WNT2B: variants seen among roughly 807,000 people sequenced by gnomAD.
The protein encoded by WNT2B is Wnt family member 2B.
A neutral mutation model predicts 40.5 loss-of-function variants in WNT2B; 19 were observed. The observed-to-expected ratio is 0.47, with a 90% confidence interval of 0.33 to 0.69. WNT2B has a LOEUF of 0.69. Among genes scored for constraint, WNT2B ranks in the 30% least tolerant of loss-of-function variants. The probability of loss-of-function intolerance (pLI) is 0.02; values close to 1 mark genes in which losing one functional copy is unlikely to be tolerated. For missense variants in WNT2B, 467 were observed against 556.4 expected, an observed-to-expected ratio of 0.84 and a Z score of 1.62; for synonymous variants, 220 against 211.9, an observed-to-expected ratio of 1.04 and a Z score of -0.33.
intron 1 of WNT2B, among the ~76,000 whole-genome samples, chr1:112,495,453 G>C (rs1197000515): frequency 6.6e-6 from 1 of 152,140 alleles, no homozygotes; most frequent in East Asian, 1.9e-4. Context: ...GCTGGGCATG[G>C]TGGCGAGTGC....
In WNT2B at chr1:112,520,325, G is replaced by T. The variant is rs772143167; in HGVS notation, c.992G>T (p.Gly331Val). ...CGTGTCTGCAGCAAGACATCAAAAGGAACAGACGGTTGTGAAATCATGTGC... is the reference window on the plus strand; with the variant it reads ...CGTGTCTGCAGCAAGACATCAAAAGTAACAGACGGTTGTGAAATCATGTGC... Reference protein sequence around the residue: ...AGRVCSKTSKGTDGCEIMCCG... With the variant: ...AGRVCSKTSKVTDGCEIMCCG... Residue 331 changes from glycine (G) to valine (V), a missense_variant, in exon 5 of 5, where the codon GGA becomes GTA. This residue lies in a region of WNT2B where 330 missense variants were observed against 438.6 expected (regional missense o/e 0.75). Transcript: ENST00000369684. The T allele has an allele frequency of 6.2e-7, 1 of 1,614,148 alleles. No homozygotes were observed.
At chr1:112,468,342 G>A (rs1404090780) in intron 1 of WNT2B, among the ~76,000 whole-genome samples, 1 of 152,058 alleles carries the variant, frequency 6.6e-6, no homozygotes, top group African/African-American at 2.4e-5. Context: ...CTGGATTATG[G>A]TAGTTCTATT....
chr1:112,502,439 A>T (rs351364), intron 1 of WNT2B, among the ~76,000 whole-genome samples: 109,538 of 152,224 alleles, frequency 0.72, 39,686 homozygotes, highest in South Asian at 0.81. Context: ...ACCCGGCTAA[A>T]TGATACAATA....
At chr1:112,479,291 G>C (rs1013147099) in intron 1 of WNT2B, among the ~76,000 whole-genome samples, 1 of 151,798 alleles carries the variant, frequency 6.6e-6, no homozygotes, top group African/African-American at 2.4e-5. Flanking sequence ...AAATTTGCAG[G>C]GGCTGGGCGT....
intron 1 of WNT2B, among the ~76,000 whole-genome samples, chr1:112,484,142 TATA>T (rs34232981): frequency 0.43 from 62,751 of 144,552 alleles, 15,272 homozygotes; most frequent in South Asian, 0.61. Context: ...AACAATTTTA[TATA>T]ATAATTTATA....
At chr1:112,517,482 G>T in intron 4 of WNT2B, 97 bp downstream of exon 4, 1 of 1,440,708 alleles carries the variant, frequency 6.9e-7, no homozygotes, top group African/African-American at 1.4e-5. Context: ...GTTAGGGAAG[G>T]GGGTGCTGTG....
intron 1 of WNT2B, among the ~76,000 whole-genome samples, chr1:112,501,291 G>C (rs1284074013): frequency 2.0e-5 from 3 of 152,144 alleles, no homozygotes; most frequent in African/African-American, 7.2e-5. Flanking sequence ...TGTTGACCTT[G>C]ATCACCCAGT....
Position 112,521,022 on chromosome 1 carries a change from G to A in WNT2B, c.*513G>A, listed in dbSNP as rs1436672794. On this transcript the variant is annotated 3_prime_UTR_variant, in exon 5 of 5. Coordinates refer to ENST00000369684, the MANE Select transcript of WNT2B (RefSeq NM_024494.3). Reference sequence around the variant, plus strand: ...AGGCTACCACATTCTATTATTGAGAGCCTGAGATGTTAGCCATAGTGGACA... The same window carrying A: ...AGGCTACCACATTCTATTATTGAGAACCTGAGATGTTAGCCATAGTGGACA... 1 of 156,760 alleles carries A rather than the reference G, an allele frequency of 6.4e-6. No individual in the cohort carries two copies. The highest frequency in any genetic ancestry group is 1.4e-5 in the Non-Finnish European group (1 of 70,834). The allele number at this position is 156,760 out of a possible 1,614,324, so 9.7% of individuals were successfully genotyped here.
chr1:112,486,553 A>G (rs907464638), intron 1 of WNT2B, among the ~76,000 whole-genome samples: 6 of 152,220 alleles, frequency 3.9e-5, no homozygotes, highest in African/African-American at 1.4e-4. Flanking sequence ...AACATTATTA[A>G]AAGAATGAAA....
At chr1:112,508,925 C>G (rs1570788357), upstream of WNT2B, 1 of 1,133,794 alleles carries the variant, frequency 8.8e-7, no homozygotes, top group Non-Finnish European at 1.1e-6. The surrounding 1 kb of genome is among the most constrained non-coding windows in gnomAD (Gnocchi z 4.2). Context: ...GGCCCCGCCC[C>G]GTCCCGTCCA....
At chr1:112,482,459 C>T (rs528049594) in intron 1 of WNT2B, among the ~76,000 whole-genome samples, 1 of 152,336 alleles carries the variant, frequency 6.6e-6, no homozygotes, top group African/African-American at 2.4e-5. Context: ...CCTCAGCCTA[C>T]TGATAATCTG....
intron 1 of WNT2B, among the ~76,000 whole-genome samples, chr1:112,503,917 C>T (rs995745720): frequency 2.4e-4 from 37 of 151,926 alleles, no homozygotes; most frequent in Admixed American, 2.2e-3. Context: ...CAAGAGGCAG[C>T]GTGAACTGAG....
intron 1 of WNT2B, among the ~76,000 whole-genome samples, chr1:112,495,903 C>T (rs141448321): frequency 6.6e-6 from 1 of 152,224 alleles, no homozygotes; most frequent in Non-Finnish European, 1.5e-5. Context: ...ATGCTGAATC[C>T]TCCAGAGTGG....
At chr1:112,471,493 T>C (rs1345477717) in intron 1 of WNT2B, among the ~76,000 whole-genome samples, 6 of 152,260 alleles carry the variant, frequency 3.9e-5, no homozygotes. Context: ...TTCACAATTA[T>C]TGATTCCTTC....
chr1:112,494,324 T>C (rs562997853), intron 1 of WNT2B, among the ~76,000 whole-genome samples: 1 of 151,262 alleles, frequency 6.6e-6, no homozygotes, highest in African/African-American at 2.5e-5. Flanking sequence ...AAAAAAATTA[T>C]ATCTACCTTC....
intron 1 of WNT2B, among the ~76,000 whole-genome samples, chr1:112,480,361 G>A (rs532035705): frequency 2.1e-4 from 12 of 57,378 alleles, no homozygotes; most frequent in Middle Eastern, 6.9e-3. Flanking sequence ...GTAAGACTCC[G>A]TCTCAAAAAA....
chr1:112,483,153 C>T (rs1651280835), intron 1 of WNT2B, among the ~76,000 whole-genome samples: 1 of 151,014 alleles, frequency 6.6e-6, no homozygotes, highest in African/African-American at 2.4e-5. Flanking sequence ...TGTGAATAGC[C>T]ACTGCACTCT....
At position 112,490,879 on chromosome 1, in the gene WNT2B, C is replaced by A. The variant is rs550786359; in HGVS notation, c.-95+23288C>A. ...TATCAAGGTCTAGGCCAAAATTTAC[C>A]TCTTCCGGAAAGATCCCCCCTGGAT... On this transcript the variant is annotated intron_variant, in intron 1 of 4. Transcript: ENST00000256640. 2.2e-5 allele frequency: 18 copies of A among 836,300 alleles called. No individual in the cohort carries two copies. The South Asian group carries it at 2.4e-4, about 11-fold the overall frequency. The allele number at this position is 836,300 out of a possible 1,614,324, so 51.8% of individuals were successfully genotyped here.
At position 112,515,189 on chromosome 1, in the gene WNT2B, A is replaced by T. The variant is rs1214308200; in HGVS notation, c.403+95A>T. 7.3e-7 allele frequency: 1 copy of T among 1,366,940 alleles called. No homozygotes were observed. Among genetic ancestry groups the T allele is most frequent in the Non-Finnish European group, 1.0e-6 (1 of 990,682 alleles). 84.7% of individuals were successfully genotyped at this position (1,366,940 alleles called of 1,614,324 possible). A position where few individuals can be genotyped will look rare whatever the true frequency, so the allele number is the denominator to read the frequency against. ...GGCAAGATCTCCCCTCTCCTCTCCC[A>T]CACACTGTTTCATCATCAGAGAAAG... On this transcript the variant is annotated intron_variant, in intron 2 of 4. Coordinates refer to ENST00000369684, the MANE Select transcript of WNT2B (RefSeq NM_024494.3). This position sits in a 1 kb window ranked among gnomAD's most constrained non-coding sequence, Gnocchi z 4.4.
Sources: gnomAD v4.1 joint callset for allele counts (sites outside exome capture counted in the v4.1 genomes callset) on GRCh38, gnomAD v4.1.1 for gene constraint, gnomAD v4.1.1 regional missense constraint, Gnocchi (gnomAD v3.1) non-coding constraint, MANE v1.5 for transcripts, NCBI Gene and HGNC (gene_info 2026-07-23, HGNC 2026-07-21) for gene names.